ACSM6: variants seen among roughly 807,000 people sequenced by gnomAD.
ACSM6 encodes the protein acyl-CoA synthetase medium chain family member 6.
In ACSM6, 35 loss-of-function variants were observed where a neutral mutation model predicts 51.1. The ratio of observed to expected loss-of-function variants is 0.69; its 90% CI spans 0.52 to 0.91. ACSM6 has a LOEUF of 0.91. ACSM6 is among the 40% of genes least tolerant of loss of function. ACSM6 has a pLI of 0.00. For synonymous variants in ACSM6, 172 were observed against 207.3 expected, an observed-to-expected ratio of 0.83 and a Z score of 1.46; for missense variants, 509 against 584.1, an observed-to-expected ratio of 0.87 and a Z score of 1.32.
intron 4 of ACSM6, among the ~76,000 whole-genome samples, chr10:95,210,361 A>G (rs915573240): frequency 6.6e-6 from 1 of 152,184 alleles, no homozygotes; most frequent in Non-Finnish European, 1.5e-5. Flanking sequence ...AGGAACAATA[A>G]TGATTACTAC....
exon 11 of ACSM6, chr10:95,228,852 T>G: frequency 1.5e-6 from 2 of 1,358,326 alleles, no homozygotes; most frequent in Non-Finnish European, 1.9e-6. Context: ...CTGCTTCCAA[T>G]ACGTAGGAAT....
chr10:95,210,506 C>G (rs572172160), intron 4 of ACSM6, 144 bp from the exon 5 acceptor site: 2 of 847,176 alleles, frequency 2.4e-6, no homozygotes, highest in Non-Finnish European at 1.7e-6. Flanking sequence ...AAAATGGCAG[C>G]TGCCCCTCTA....
chr10:95,201,752 A>G (rs1255859309), intron 2 of ACSM6: 3 of 576,018 alleles, frequency 5.2e-6, no homozygotes, highest in Non-Finnish European at 9.3e-6. Context: ...GAGTTCTCTC[A>G]GGAGGTTCTT....
At chr10:95,213,782 G>A (rs1428002173) in intron 7 of ACSM6, among the ~76,000 whole-genome samples, 1 of 152,118 alleles carries the variant, frequency 6.6e-6, no homozygotes, top group African/African-American at 2.4e-5. Context: ...AAGCCTTAGT[G>A]TTTGCTAAAT....
At chr10:95,217,607 T>G (rs1430503577) in intron 8 of ACSM6, among the ~76,000 whole-genome samples, 2 of 152,228 alleles carry the variant, frequency 1.3e-5, no homozygotes, top group African/African-American at 4.8e-5. Flanking sequence ...GGGAATTCCA[T>G]AATCTTGGTA....
At chr10:95,213,910 C>T (rs1336886578) in intron 7 of ACSM6, among the ~76,000 whole-genome samples, 3 of 152,092 alleles carry the variant, frequency 2.0e-5, no homozygotes, top group Admixed American at 6.6e-5. Flanking sequence ...CATGAAGGAA[C>T]GCCTAGTTCA....
At chr10:95,211,730 C>T in intron 5 of ACSM6, 148 bp from the exon 6 acceptor site, 1 of 777,962 alleles carries the variant, frequency 1.3e-6, no homozygotes, top group Non-Finnish European at 2.0e-6. Flanking sequence ...AGTCCATTGG[C>T]CTCATGACCT....
At chr10:95,203,857 TAAAAAAAAAAAAAAA>T (rs34969526) in intron 3 of ACSM6, among the ~76,000 whole-genome samples, 1 of 106,870 alleles carries the variant, frequency 9.4e-6, no homozygotes, top group Non-Finnish European at 1.9e-5. Context: ...ATGCTAGATT[TAAAAAAAAAAAAAAA>T]AAAAAAAAAA....
intron 8 of ACSM6, among the ~76,000 whole-genome samples, chr10:95,216,435 A>T (rs1166833315): frequency 2.0e-5 from 3 of 152,202 alleles, no homozygotes; most frequent in African/African-American, 7.2e-5. Flanking sequence ...AGAACTGATC[A>T]TTCATATGGC....
intron 2 of ACSM6, among the ~76,000 whole-genome samples, chr10:95,200,205 G>A (rs2034777684): frequency 6.6e-6 from 1 of 151,990 alleles, no homozygotes; most frequent in East Asian, 1.9e-4. Flanking sequence ...TAGGGACATG[G>A]ATGAAGCTGG....
chr10:95,227,993 C>T (rs2035057082), intron 10 of ACSM6, among the ~76,000 whole-genome samples: 2 of 152,040 alleles, frequency 1.3e-5, no homozygotes, highest in Admixed American at 1.3e-4. Context: ...ATCACTTGAA[C>T]CTGGGTGGCA....
chr10:95,198,680 C>T (rs965970375), intron 2 of ACSM6, among the ~76,000 whole-genome samples: 2 of 151,646 alleles, frequency 1.3e-5, no homozygotes, highest in Non-Finnish European at 2.9e-5. Flanking sequence ...TCCATGGTCA[C>T]ATAAATAAAA....
chr10:95,216,084 A>G (rs2034941025), intron 8 of ACSM6, among the ~76,000 whole-genome samples: 1 of 152,180 alleles, frequency 6.6e-6, no homozygotes, highest in South Asian at 2.1e-4. Context: ...GTGCACCACC[A>G]TGCTTGCTAT....
At chr10:95,223,706 C>G (rs879501324) in intron 9 of ACSM6, among the ~76,000 whole-genome samples, 1 of 151,856 alleles carries the variant, frequency 6.6e-6, no homozygotes, top group Non-Finnish European at 1.5e-5. Flanking sequence ...TACAGAAACC[C>G]CATAGCTCAC....
At chr10:95,212,101 G>A (rs1456145984) in intron 6 of ACSM6, 67 bp downstream of exon 6, 1 of 1,581,382 alleles carries the variant, frequency 6.3e-7, no homozygotes, top group African/African-American at 1.3e-5. Context: ...CAATGACCCA[G>A]TGACTCATGC....
At chr10:95,219,204 G>C (rs2034971089) in intron 8 of ACSM6, among the ~76,000 whole-genome samples, 1 of 152,030 alleles carries the variant, frequency 6.6e-6, no homozygotes, top group Admixed American at 6.6e-5. Context: ...ACTTATTTTT[G>C]AGACATTTAT....
At chr10:95,203,215 G>A (rs1339635658) in intron 3 of ACSM6, among the ~76,000 whole-genome samples, 1 of 152,066 alleles carries the variant, frequency 6.6e-6, no homozygotes, top group Non-Finnish European at 1.5e-5. Context: ...CCCCACATGA[G>A]AATTTAATGC....
chr10:95,228,914 C>T, exon 11 of ACSM6: 1 of 1,000,512 alleles, frequency 1.0e-6, no homozygotes, highest in Non-Finnish European at 1.4e-6. Flanking sequence ...AAAAATAAAA[C>T]TCATCCATAA....
chr10:95,200,487 TGAA>T (rs1164887209), intron 2 of ACSM6, among the ~76,000 whole-genome samples: 17 of 136,956 alleles, frequency 1.2e-4, no homozygotes, highest in African/African-American at 3.3e-4. Flanking sequence ...CCCTAAAACT[TGAA>T]GAAGAAGAAA....
Sources: allele counts gnomAD v4.1 joint callset (sites outside exome capture counted in the v4.1 genomes callset), GRCh38; gene constraint gnomAD v4.1.1; transcripts MANE v1.5; gene names NCBI Gene and HGNC (gene_info 2026-07-23, HGNC 2026-07-21).